SECISBP2: variants seen among roughly 807,000 people sequenced by gnomAD.
SECISBP2 encodes SECIS binding protein 2.
Under a neutral mutation model 98.2 loss-of-function variants are expected in SECISBP2, and 96 were observed. That is an observed-to-expected ratio of 0.98 (90% CI 0.83 to 1.16). The LOEUF (loss-of-function observed/expected upper bound fraction) is 1.16, where lower values mean the gene tolerates loss of function less well. SECISBP2 is among the 50% of genes most tolerant of loss of function. The pLI is 0.00. For missense variants in SECISBP2, 1,046 were observed against 1,022.9 expected (o/e 1.02, Z -0.31); for synonymous variants, 407 against 370.2 (o/e 1.10, Z -1.14).
At chr9:89,326,118 T>A in intron 4 of SECISBP2, 80 bp downstream of exon 4, 10 of 1,524,920 alleles carry the variant, frequency 6.6e-6, no homozygotes, top group Non-Finnish European at 9.0e-6. Context: ...ATACAGCTGT[T>A]TCTATGGGCT....
intron 10 of SECISBP2, among the ~76,000 whole-genome samples, chr9:89,345,312 C>A (rs894186001): frequency 2.6e-5 from 4 of 152,202 alleles, no homozygotes; most frequent in Admixed American, 1.3e-4. Context: ...CTTTGAATGA[C>A]CACGCTTTGA....
downstream of SECISBP2, chr9:89,361,978 C>CTAT: frequency 3.7e-6 from 1 of 270,330 alleles, no homozygotes; most frequent in East Asian, 7.5e-5. Flanking sequence ...ACCCTGTTGG[C>CTAT]TATTAGGGGG....
downstream of SECISBP2, chr9:89,364,361 A>C (rs980735739): frequency 2.4e-5 from 7 of 287,368 alleles, no homozygotes; most frequent in African/African-American, 1.5e-4. Flanking sequence ...TGCCATCACC[A>C]GGGCCACAGC....
At chr9:89,355,156 A>G (rs1410449167) in intron 14 of SECISBP2, 3 of 985,336 alleles carry the variant, frequency 3.0e-6, no homozygotes, top group Non-Finnish European at 3.6e-6. Context: ...TAGGACGTGC[A>G]TTGGAGAAGT....
In SECISBP2 at chr9:89,325,936, A is replaced by G; in HGVS notation, c.472A>G (p.Lys158Glu). The G allele has an allele frequency of 6.2e-7, 1 of 1,614,074 alleles. No homozygotes were observed. The highest frequency in any genetic ancestry group is 8.5e-7 in the Non-Finnish European group (1 of 1,179,998). Reference protein sequence around the residue: ...YDEKKTYDQQKFDSERADGTI... With the variant: ...YDEKKTYDQQEFDSERADGTI... ...TGAGAAAAAAACGTATGATCAGCAA[A>G]AGTTTGACAGTGAAAGGGCTGATGG... Residue 158 changes from lysine to glutamate, a missense_variant, in exon 4 of 17, where the codon AAG becomes GAG. Lys to Glu is a moderately conservative substitution (Grantham distance 56). Coordinates refer to ENST00000375807, the MANE Select transcript of SECISBP2 (RefSeq NM_024077.5).
chr9:89,336,098 T>TTTTTTTTTTTTTTTTTTTTTTTTTC (rs1554720217), intron 7 of SECISBP2, among the ~76,000 whole-genome samples: 1 of 138,616 alleles, frequency 7.2e-6, no homozygotes, highest in Non-Finnish European at 1.6e-5. Flanking sequence ...TTTTTTTTTT[T>TTTTTTTTTTTTTTTTTTTTTTTTTC]TTTTTTTTTT....
In SECISBP2 at chr9:89,334,501, A is replaced by G. The variant is rs772070634; in HGVS notation, c.881-21A>G. The G allele has an allele frequency of 4.4e-6, 7 of 1,605,374 alleles. No homozygotes were observed. The East Asian group carries it at 1.1e-4, about 26-fold the overall frequency. ...ATTTTACTGTTGAGATTGTTCAACA[A>G]TTTTGGTTATCTTTGAGCAGAGTTA... On this transcript the variant is annotated intron_variant, in intron 6 of 16. Transcript: ENST00000375807.
chr9:89,363,976 C>G (rs1421950697), downstream of SECISBP2: 8 of 1,613,964 alleles, frequency 5.0e-6, no homozygotes, highest in African/African-American at 6.7e-5. Flanking sequence ...GTTTCCACCT[C>G]TGAGTCCACA....
chr9:89,318,557 C>T lies in SECISBP2; in HGVS notation c.-20C>T, dbSNP rs1825092694. The stretch of plus-strand genomic sequence containing the variant: ...CCCGCTGCTGGCCTCCGTGACGCGG[C>T]CTCCTCCGCGCCTCGCGGCATGGCG... On this transcript the variant is annotated 5_prime_UTR_variant, in exon 1 of 17. Transcript: ENST00000375807. 2 of 1,508,872 alleles carry T rather than the reference C, an allele frequency of 1.3e-6. No homozygotes were observed. Among genetic ancestry groups the T allele is most frequent in the Non-Finnish European group, 1.8e-6 (2 of 1,134,394 alleles). The allele number at this position is 1,508,872 out of a possible 1,614,324, so 93.5% of individuals were successfully genotyped here. A position where few individuals can be genotyped will look rare whatever the true frequency, so the allele number is the denominator to read the frequency against.
downstream of SECISBP2, chr9:89,362,444 G>A (rs1162729468): frequency 1.2e-6 from 2 of 1,614,002 alleles, no homozygotes; most frequent in Admixed American, 1.7e-5. Flanking sequence ...AGAACAATGT[G>A]GTCTTTGAAT....
intron 5 of SECISBP2, among the ~76,000 whole-genome samples, chr9:89,331,690 A>G (rs1383893558): frequency 2.0e-5 from 3 of 152,224 alleles, no homozygotes; most frequent in African/African-American, 7.2e-5. Context: ...CTTTGTAGAC[A>G]TTTTGATGGA....
At chr9:89,323,785 T>G (rs149194775) in intron 2 of SECISBP2, 6 of 152,380 alleles carry the variant, frequency 3.9e-5, no homozygotes, top group Non-Finnish European at 7.3e-5. Context: ...GTATTTTGTG[T>G]TGTTTTCTGC....
chr9:89,337,376 A>T (rs1828923320), intron 7 of SECISBP2, among the ~76,000 whole-genome samples: 2 of 152,226 alleles, frequency 1.3e-5, no homozygotes, highest in African/African-American at 4.8e-5. Flanking sequence ...TATTACAGAA[A>T]TGATAAGTGT....
Position 89,325,613 on chromosome 9 carries a change from A to G in SECISBP2, c.369A>G (p.Gln123=). ...AACCCAGTTGTTACCGAGGTTTTCA[A>G]ACAGTGAAGCATCGAAATGAGAACA... ...YNQPSCYRGF[Q]TVKHRNENTC... Residue 123 remains glutamine, a synonymous_variant, in exon 3 of 17, where the codon CAA becomes CAG. Coordinates refer to ENST00000375807, the MANE Select transcript of SECISBP2 (RefSeq NM_024077.5). The G allele has an allele frequency of 6.2e-7, 1 of 1,614,168 alleles. No individual in the cohort carries two copies. Among genetic ancestry groups the G allele is most frequent in the South Asian group, 1.1e-5 (1 of 91,078 alleles).
At chr9:89,352,450 A>G (rs1164904080) in intron 14 of SECISBP2, among the ~76,000 whole-genome samples, 1 of 152,206 alleles carries the variant, frequency 6.6e-6, no homozygotes, top group African/African-American at 2.4e-5. Context: ...CATATTTTGA[A>G]GGTCTTGCTT....
Position 89,319,847 on chromosome 9 carries a change from A to G in SECISBP2, c.182+50A>G, listed in dbSNP as rs200624154. The G allele has an allele frequency of 9.5e-4, 1,504 of 1,589,734 alleles. 3 individuals are homozygous for G. Among genetic ancestry groups the G allele is most frequent in the Non-Finnish European group, 1.1e-3 (1,248 of 1,158,634 alleles). On this transcript the variant is annotated intron_variant, in intron 2 of 16. Transcript: ENST00000375807. ...CCTAGGGGCTTACATTTTGGATTTA[A>G]TGGTGATTAGACTTTCAAATACTCA...
In SECISBP2 at chr9:89,319,486, G is replaced by C. The variant is rs896566709; in HGVS notation, c.37-166G>C. Among the ~76,000 whole-genome samples the C allele has an allele frequency of 8.5e-5, 13 of 152,196 alleles. No homozygotes were observed. The East Asian group carries it at 1.7e-3, about 20-fold the overall frequency. On this transcript the variant is annotated intron_variant, in intron 1 of 16. Coordinates refer to ENST00000375807, the MANE Select transcript of SECISBP2 (RefSeq NM_024077.5). ...CTTTTCTACAAAAAAAAAAGCATTG[G>C]GGAGAAATCGTTAGCAAGCAGGTTC... is the stretch of plus-strand genomic sequence containing the variant.
At chr9:89,326,335 T>C (rs1185051001) in intron 4 of SECISBP2, among the ~76,000 whole-genome samples, 4 of 152,232 alleles carry the variant, frequency 2.6e-5, no homozygotes, top group Non-Finnish European at 4.4e-5. Context: ...ATAAACCATC[T>C]GGTACAAGGG....
the SECISBP2 span, among the ~76,000 whole-genome samples, chr9:89,366,848 C>T: frequency 6.6e-6 from 1 of 152,128 alleles, no homozygotes; most frequent in African/African-American, 2.4e-5. Flanking sequence ...CCAAGAACCA[C>T]CCAGGGGACT....
Sources: allele counts gnomAD v4.1 joint callset (sites outside exome capture counted in the v4.1 genomes callset), GRCh38; gene constraint gnomAD v4.1.1; transcripts MANE v1.5; gene names NCBI Gene and HGNC (gene_info 2026-07-23, HGNC 2026-07-21).